Variants in PREX1 observed in about 807,000 individuals in gnomAD.
PREX1 encodes the protein phosphatidylinositol 3,4,5-trisphosphate-dependent Rac exchanger 1 protein.
PREX1 carries 41 observed loss-of-function variants against 198.3 expected under a neutral mutation model. That is an observed-to-expected ratio of 0.21 (90% CI 0.16 to 0.27). PREX1 has a LOEUF of 0.27. Among genes scored for constraint, PREX1 ranks in the 10% least tolerant of loss-of-function variants. The pLI is 1.00. For synonymous variants in PREX1, 843 were observed against 887.2 expected (o/e 0.95, Z 0.89); for missense variants, 1,620 against 2,200.7 (o/e 0.74, Z 5.28).
chr20:48,773,492 G>A (rs1434424123), intron 1 of PREX1, among the ~76,000 whole-genome samples: 2 of 152,102 alleles, frequency 1.3e-5, no homozygotes, highest in Non-Finnish European at 2.9e-5. Flanking sequence ...GAACCTCTGG[G>A]ACCTCATTCA....
chr20:48,698,324 T>C (rs1209151735), intron 7 of PREX1, among the ~76,000 whole-genome samples: 1 of 152,124 alleles, frequency 6.6e-6, no homozygotes, highest in Admixed American at 6.5e-5. Flanking sequence ...TTGAGTAAAC[T>C]CATCTAAAAG....
At chr20:48,634,881 C>T in intron 32 of PREX1, 106 bp from the exon 33 acceptor site, 1 of 904,656 alleles carries the variant, frequency 1.1e-6, no homozygotes, top group Non-Finnish European at 1.8e-6. Flanking sequence ...CACTGTGGGC[C>T]CCCTGGGTGC....
chr20:48,686,522 C>T (rs996442163), intron 10 of PREX1, among the ~76,000 whole-genome samples: 2 of 152,232 alleles, frequency 1.3e-5, no homozygotes, highest in African/African-American at 2.4e-5. Context: ...CTCATCGGTC[C>T]GGACTGAGCA....
chr20:48,651,345 C>T, intron 22 of PREX1, 51 bp downstream of exon 22: 2 of 1,531,942 alleles, frequency 1.3e-6, no homozygotes, highest in South Asian at 2.6e-5. Context: ...ATAAGAGAAA[C>T]TGGCTTCAAT....
chr20:48,813,724 C>A (rs2090446654), intron 1 of PREX1, among the ~76,000 whole-genome samples: 1 of 152,120 alleles, frequency 6.6e-6, no homozygotes, highest in African/African-American at 2.4e-5. Context: ...AAAGTTAACT[C>A]TGAAAAGAAC....
chr20:48,652,280 C>G (rs988497244), intron 21 of PREX1, among the ~76,000 whole-genome samples: 1 of 151,746 alleles, frequency 6.6e-6, no homozygotes, highest in Non-Finnish European at 1.5e-5. Flanking sequence ...AAAAAAAACT[C>G]TAAAATTTAA....
At chr20:48,681,804 G>A (rs772780029) in intron 10 of PREX1, among the ~76,000 whole-genome samples, 8 of 152,122 alleles carry the variant, frequency 5.3e-5, no homozygotes, top group Non-Finnish European at 1.2e-4. Context: ...CTTAATATGG[G>A]GTGGATGAAG....
At position 48,751,692 on chromosome 20, in the gene PREX1, C is replaced by G. The variant is rs112444529; in HGVS notation, c.220-3812G>C. 4.3e-3 allele frequency among the ~76,000 whole-genome samples: 651 copies of G among 152,290 alleles called. 8 individuals carry two copies. Among genetic ancestry groups the G allele is most frequent in the African/African-American group, 0.014 (579 of 41,554 alleles). ...TCAGGTCAAAAGCAGCTCTCATCTC[C>G]GAAGCCTCCCTTAGACACAATACTG... On this transcript the variant is annotated intron_variant, in intron 1 of 39. Coordinates refer to ENST00000371941, the MANE Select transcript of PREX1 (RefSeq NM_020820.4).
chr20:48,642,523 T>C (rs1323209140), intron 27 of PREX1, 34 bp from the exon 28 acceptor site: 2 of 1,562,770 alleles, frequency 1.3e-6, no homozygotes, highest in Non-Finnish European at 1.8e-6. Context: ...CCATCAGTCA[T>C]TCCTGCCCCA....
chr20:48,647,166 G>A (rs572469246), intron 25 of PREX1, among the ~76,000 whole-genome samples: 2 of 152,124 alleles, frequency 1.3e-5, no homozygotes, highest in Non-Finnish European at 2.9e-5. Context: ...GGAGTTCGAG[G>A]CTGTGGCAAC....
chr20:48,687,274 A>G (rs6019374), intron 10 of PREX1, among the ~76,000 whole-genome samples: 91,085 of 152,192 alleles, frequency 0.6, 30,287 homozygotes, highest in African/African-American at 0.91. Context: ...CCAGCCTGAC[A>G]TAACCCGTCC....
chr20:48,627,663 G>T, intron 38 of PREX1, 48 bp from the exon 39 acceptor site: 1 of 1,516,906 alleles, frequency 6.6e-7, no homozygotes, highest in Non-Finnish European at 9.2e-7. Flanking sequence ...TTCAGGGCAC[G>T]TGAGGAAGCA....
chr20:48,727,487 A>G (rs2090015333), intron 4 of PREX1, among the ~76,000 whole-genome samples: 1 of 152,092 alleles, frequency 6.6e-6, no homozygotes, highest in Non-Finnish European at 1.5e-5. Flanking sequence ...TACTGCTATC[A>G]TCCATCGTAA....
Position 48,708,313 on chromosome 20 carries a change from T to C in PREX1, c.730A>G (p.Met244Val). The C allele has an allele frequency of 6.2e-7, 1 of 1,614,132 alleles. No individual in the cohort carries two copies. The highest frequency in any genetic ancestry group is 1.7e-5 in the Admixed American group (1 of 60,020). Residue 244 changes from methionine to valine, a missense_variant, in exon 6 of 40, where the codon ATG becomes GTG. Coordinates refer to ENST00000371941, the MANE Select transcript of PREX1 (RefSeq NM_020820.4). Reference protein sequence around the residue: ...CSNINETKRQMEKLEALEQLQ... With the variant: ...CSNINETKRQVEKLEALEQLQ... ...TGCTCCAGGGCTTCCAGCTTCTCCA[T>C]CTGCCGCTTGGTCTCATTGATGTTG...
the PREX1 span, among the ~76,000 whole-genome samples, chr20:48,844,841 T>C: frequency 6.6e-6 from 1 of 152,212 alleles, no homozygotes; most frequent in Non-Finnish European, 1.5e-5. Context: ...AAAGTCATCT[T>C]GATGGATATA....
intron 1 of PREX1, among the ~76,000 whole-genome samples, chr20:48,777,623 T>C (rs767628489): frequency 3.9e-5 from 6 of 152,112 alleles, no homozygotes; most frequent in Non-Finnish European, 8.8e-5. Context: ...CCACACATAA[T>C]GGACTCTGAT....
At chr20:48,711,274 A>G (rs577405782) in intron 5 of PREX1, among the ~76,000 whole-genome samples, 1 of 152,214 alleles carries the variant, frequency 6.6e-6, no homozygotes, top group African/African-American at 2.4e-5. Context: ...ACACTCCCCT[A>G]AGCCATCAGC....
intron 14 of PREX1, among the ~76,000 whole-genome samples, chr20:48,671,262 G>A (rs369117782): frequency 9.9e-5 from 15 of 152,248 alleles, no homozygotes; most frequent in East Asian, 5.8e-4. Flanking sequence ...TACACAGAAA[G>A]AAAAAATGTT....
chr20:48,882,381 A>C, the PREX1 span, among the ~76,000 whole-genome samples: 3 of 151,528 alleles, frequency 2.0e-5, no homozygotes, highest in East Asian at 1.9e-4. Flanking sequence ...GGGCGCCTGT[A>C]GTCCCAGCTA....
Sources: gnomAD v4.1 joint callset for allele counts (sites outside exome capture counted in the v4.1 genomes callset) on GRCh38, gnomAD v4.1.1 for gene constraint, MANE v1.5 for transcripts, NCBI Gene and HGNC (gene_info 2026-07-23, HGNC 2026-07-21) for gene names.